The following DMGDH variants were observed in gnomAD, a reference collection of about 807,000 sequenced individuals.
The protein encoded by DMGDH is dimethylglycine dehydrogenase.
Under a neutral mutation model 95.2 loss-of-function variants are expected in DMGDH, and 76 were observed. The observed-to-expected ratio is 0.80, with a 90% CI of 0.66 to 0.97. The LOEUF (loss-of-function observed/expected upper bound fraction) is 0.97. Among genes scored for constraint, DMGDH ranks in the 50% least tolerant of loss-of-function variants. DMGDH has a pLI of 0.00. For missense variants in DMGDH, 987 were observed against 1,055.0 expected (o/e 0.94, Z 0.89); for synonymous variants, 345 against 377.6 (o/e 0.91, Z 1.00).
intron 5 of DMGDH, among the ~76,000 whole-genome samples, chr5:79,047,382 G>A (rs185496337): frequency 2.0e-5 from 3 of 152,160 alleles, no homozygotes; most frequent in Admixed American, 6.5e-5. Context: ...ATGCTTTGAC[G>A]CAGAGTATCA....
At chr5:79,067,807 T>A (rs1332716274) in intron 1 of DMGDH, among the ~76,000 whole-genome samples, 1 of 152,232 alleles carries the variant, frequency 6.6e-6, no homozygotes, top group Non-Finnish European at 1.5e-5. Flanking sequence ...GTATTAGAAA[T>A]GATAAGCACA....
At chr5:79,006,846 C>CA (rs1753556742) in intron 14 of DMGDH, among the ~76,000 whole-genome samples, 1 of 122,106 alleles carries the variant, frequency 8.2e-6, no homozygotes, top group African/African-American at 3.1e-5. Flanking sequence ...TCACCTGAGA[C>CA]CCCCCCAGTC....
intron 14 of DMGDH, chr5:79,021,165 C>T: frequency 2.0e-6 from 2 of 988,328 alleles, no homozygotes; most frequent in Non-Finnish European, 1.2e-6. Context: ...GTCAAGGCTT[C>T]CTGAAGTGGC....
rs900352904 is a variant in DMGDH, at chr5:79,069,604, G to A, written c.17C>T (p.Ala6Val). The A allele has an allele frequency of 2.2e-6, 3 of 1,370,248 alleles. No individual in the cohort carries two copies. The highest frequency in any genetic ancestry group is 1.5e-5 in the African/African-American group (1 of 66,684). 84.9% of individuals were successfully genotyped at this position (1,370,248 alleles called of 1,614,324 possible). The change falls in exon 1 of 16, where the codon GCG (alanine) becomes GTG (valine). Residue 6 changes from alanine (A) to valine (V), a missense_variant. Physicochemically the swap from Ala to Val is moderately conservative, Grantham distance 64. Coordinates refer to ENST00000255189, the MANE Select transcript of DMGDH (RefSeq NM_013391.3). MLRPGAQLLRGLLLRS... is the reference protein window; with the variant it reads MLRPGVQLLRGLLLRS... ...CAGCAGGAGGCCCCGCAGCAGCTGC[G>A]CGCCGGGACGGAGCATGACTAGGCC...
Position 79,028,620 on chromosome 5 carries a change from T to C in DMGDH, c.1845A>G (p.Gly615=), listed in dbSNP as rs1232529657. 6.2e-7 allele frequency: 1 copy of C among 1,614,198 alleles called. No individual in the cohort carries two copies. The highest frequency in any genetic ancestry group is 1.1e-5 in the South Asian group (1 of 91,086). The part of the protein sequence containing the change: ...RWIEEEAVKG[G]YDVEIKNITD... ...TTATGTTTTTAATTTCAACATCATA[T>C]CCACCTTTGACTGCTTCTTCTTCAA... is the stretch of plus-strand genomic sequence containing the variant. The change falls in exon 12 of 16, where the codon GGA becomes GGG. Residue 615 remains glycine, a synonymous_variant. Coordinates refer to ENST00000255189, the MANE Select transcript of DMGDH (RefSeq NM_013391.3).
At chr5:79,010,111 T>C (rs1232208808) in intron 14 of DMGDH, among the ~76,000 whole-genome samples, 6 of 152,198 alleles carry the variant, frequency 3.9e-5, no homozygotes. Flanking sequence ...CCACCTGTAA[T>C]ACATACTAAA....
At chr5:79,064,712 T>C (rs971750816) in intron 1 of DMGDH, among the ~76,000 whole-genome samples, 4 of 152,120 alleles carry the variant, frequency 2.6e-5, no homozygotes, top group African/African-American at 9.7e-5. Context: ...TTCTGGAACC[T>C]TTTTTCTATT....
At chr5:79,038,420 G>C (rs1294684952) in intron 7 of DMGDH, among the ~76,000 whole-genome samples, 5 of 152,124 alleles carry the variant, frequency 3.3e-5, no homozygotes, top group African/African-American at 1.2e-4. Flanking sequence ...GGAGGTGGAG[G>C]TTGCAGTCAG....
At chr5:79,008,197 T>A (rs1753582787) in intron 14 of DMGDH, among the ~76,000 whole-genome samples, 1 of 152,094 alleles carries the variant, frequency 6.6e-6, no homozygotes, top group South Asian at 2.1e-4. Context: ...TTGATAGAGG[T>A]ATGGACAGTG....
chr5:79,051,035 T>C (rs1271804147), intron 5 of DMGDH, among the ~76,000 whole-genome samples: 3 of 151,928 alleles, frequency 2.0e-5, no homozygotes, highest in Non-Finnish European at 4.4e-5. Flanking sequence ...AAAAACACAA[T>C]CTGGAGCAAA....
At chr5:79,042,166 C>A (rs1291192126) in intron 7 of DMGDH, 117 bp downstream of exon 7, 1 of 986,246 alleles carries the variant, frequency 1.0e-6, no homozygotes, top group Admixed American at 2.0e-5. Context: ...CTCTCTGTTT[C>A]TCTTTCTCTC....
chr5:79,030,289 A>G (rs565468948), intron 10 of DMGDH, among the ~76,000 whole-genome samples: 3 of 152,352 alleles, frequency 2.0e-5, no homozygotes, highest in South Asian at 4.1e-4. Flanking sequence ...TTAAGTTCCC[A>G]TCGAAACAAT....
At chr5:79,005,556 T>TGA in intron 14 of DMGDH, 149 bp from the exon 15 acceptor site, 1 of 1,135,260 alleles carries the variant, frequency 8.8e-7, no homozygotes, top group Non-Finnish European at 1.3e-6. Flanking sequence ...TAGACAAATA[T>TGA]TTCTTAGTCC....
chr5:79,037,978 T>C (rs191632140), intron 7 of DMGDH, among the ~76,000 whole-genome samples: 1 of 152,350 alleles, frequency 6.6e-6, no homozygotes, highest in East Asian at 1.9e-4. Context: ...TACTTAATAT[T>C]GTTCAGATGT....
At chr5:79,062,314 G>A (rs1439064533) in intron 2 of DMGDH, among the ~76,000 whole-genome samples, 4 of 151,474 alleles carry the variant, frequency 2.6e-5, no homozygotes, top group Admixed American at 6.6e-5. Context: ...CAAGGGCAAG[G>A]TCTTTGGGCT....
At chr5:79,007,338 G>A (rs1753568107) in intron 14 of DMGDH, among the ~76,000 whole-genome samples, 1 of 152,108 alleles carries the variant, frequency 6.6e-6, no homozygotes, top group Admixed American at 6.5e-5. Context: ...CGTGGGATTT[G>A]AAACCCATGT....
At chr5:79,052,687 A>G (rs1050026811) in intron 4 of DMGDH, among the ~76,000 whole-genome samples, 5 of 152,184 alleles carry the variant, frequency 3.3e-5, no homozygotes, top group African/African-American at 9.7e-5. Context: ...AAAATTCATG[A>G]TAGTGAGGAG....
At chr5:79,053,076 G>A (rs1465715546) in intron 4 of DMGDH, among the ~76,000 whole-genome samples, 3 of 150,082 alleles carry the variant, frequency 2.0e-5, no homozygotes, top group African/African-American at 7.6e-5. Flanking sequence ...GGCTCACTAT[G>A]TAAACTGTCT....
At chr5:79,034,784 G>A (rs1480341235) in intron 7 of DMGDH, among the ~76,000 whole-genome samples, 3 of 152,078 alleles carry the variant, frequency 2.0e-5, no homozygotes, top group Non-Finnish European at 4.4e-5. Context: ...CAGGCCGGGC[G>A]CGATGTCTCA....
Sources: allele counts gnomAD v4.1 joint callset (sites outside exome capture counted in the v4.1 genomes callset), GRCh38; gene constraint gnomAD v4.1.1; transcripts MANE v1.5; gene names NCBI Gene and HGNC (gene_info 2026-07-23, HGNC 2026-07-21).